SNX30: variants seen among roughly 807,000 people sequenced by gnomAD.
SNX30 encodes the protein sorting nexin-30.
A neutral mutation model predicts 46.4 loss-of-function variants in SNX30; 24 were observed. That is an observed-to-expected ratio of 0.52 (90% CI 0.37 to 0.73). The LOEUF is 0.73. Ranked by LOEUF, SNX30 falls within the 30% of genes least tolerant of loss-of-function variation. The pLI is 0.00. For missense variants in SNX30, 533 were observed against 555.7 expected (o/e 0.96, Z 0.41); for synonymous variants, 189 against 211.5 (o/e 0.89, Z 0.92).
intron 3 of SNX30, among the ~76,000 whole-genome samples, chr9:112,819,135 A>G (rs966772548): frequency 2.0e-5 from 3 of 152,218 alleles, no homozygotes; most frequent in African/African-American, 7.2e-5. Flanking sequence ...AGAATTCTCA[A>G]GCCTCACATC....
At chr9:112,786,189 C>T (rs1341209050) in intron 1 of SNX30, among the ~76,000 whole-genome samples, 1 of 150,986 alleles carries the variant, frequency 6.6e-6, no homozygotes, top group Non-Finnish European at 1.5e-5. Flanking sequence ...ACCATCTTGG[C>T]TCACCACAGC....
At chr9:112,840,742 G>A (rs574168361) in intron 6 of SNX30, among the ~76,000 whole-genome samples, 11 of 151,154 alleles carry the variant, frequency 7.3e-5, no homozygotes, top group African/African-American at 2.7e-4. Context: ...GCCTCCCAAA[G>A]TGCTGGGATT....
chr9:112,790,285 T>C (rs1839998200), intron 1 of SNX30, among the ~76,000 whole-genome samples: 1 of 152,222 alleles, frequency 6.6e-6, no homozygotes, highest in South Asian at 2.1e-4. Context: ...TGTTAAAAAT[T>C]ATACAGACAT....
At position 112,805,117 on chromosome 9, in the gene SNX30, G is replaced by A. The variant is rs536503808; in HGVS notation, c.348+150G>A. ...AGTGTGGCTTCTTGAGAGAATAGAT[G>A]TAATTCAGATGAAAAGGATTATATA... On this transcript the variant is annotated intron_variant, in intron 2 of 8. Transcript: ENST00000374232. The A allele has an allele frequency of 2.6e-5, 12 of 467,844 alleles. No individual in the cohort carries two copies. The South Asian group carries it at 8.0e-4, about 31-fold the overall frequency. The allele number at this position is 467,844 out of a possible 1,614,324, so 29.0% of individuals were successfully genotyped here.
intron 3 of SNX30, among the ~76,000 whole-genome samples, chr9:112,829,724 G>A (rs1229735939): frequency 6.6e-6 from 1 of 151,902 alleles, no homozygotes; most frequent in African/African-American, 2.4e-5. Context: ...ATGTATAAAT[G>A]TTCTGATTTC....
chr9:112,885,442 A>ATATATATATT (rs912531434), downstream of SNX30: 2 of 144,640 alleles, frequency 1.4e-5, no homozygotes, highest in Non-Finnish European at 3.0e-5. Flanking sequence ...ATATATGTGT[A>ATATATATATT]TATATATATA....
intron 7 of SNX30, among the ~76,000 whole-genome samples, chr9:112,859,700 C>T (rs1365793563): frequency 6.6e-6 from 1 of 151,916 alleles, no homozygotes; most frequent in Non-Finnish European, 1.5e-5. Context: ...CAATCTCCGC[C>T]TCCCGGAGAC....
intron 7 of SNX30, among the ~76,000 whole-genome samples, chr9:112,862,376 G>A (rs1185676638): frequency 6.6e-6 from 1 of 152,218 alleles, no homozygotes; most frequent in Non-Finnish European, 1.5e-5. Context: ...GCAAGTGTGA[G>A]CAGTGGCCAG....
intron 1 of SNX30, among the ~76,000 whole-genome samples, chr9:112,752,977 A>G (rs577548834): frequency 7.9e-5 from 12 of 152,322 alleles, no homozygotes; most frequent in South Asian, 6.2e-4. Context: ...CCCCAGAGCA[A>G]GTGATCCAAG....
chr9:112,868,811 C>G lies in SNX30; in HGVS notation c.1282C>G (p.Pro428Ala), dbSNP rs760475390. Residue 428 changes from proline (P) to alanine (A), a missense_variant, in exon 9 of 9, where the codon CCA becomes GCA. Physicochemically the swap from Pro to Ala is conservative, Grantham distance 27. Coordinates refer to ENST00000374232, the MANE Select transcript of SNX30 (RefSeq NM_001012994.2). ...CCTCATGGCGTGGGAGTCGATTATT[C>G]CACTACTGCAGGAGAAACAAGAGGC... ...KCLMAWESII[P>A]LLQEKQEAK The G allele has an allele frequency of 1.9e-6, 3 of 1,613,626 alleles. No individual in the cohort carries two copies. In the Admixed American group the frequency reaches 5.0e-5, roughly 27 times the overall value.
downstream of SNX30, among the ~76,000 whole-genome samples, chr9:112,884,637 T>C (rs147778510): frequency 6.6e-6 from 1 of 152,366 alleles, no homozygotes; most frequent in Non-Finnish European, 1.5e-5. Flanking sequence ...ATTTAAAATC[T>C]GGCTTTGTTT....
chr9:112,782,024 T>C (rs1839854246), intron 1 of SNX30, among the ~76,000 whole-genome samples: 2 of 152,176 alleles, frequency 1.3e-5, no homozygotes, highest in East Asian at 3.8e-4. Context: ...ATGTGAAAAT[T>C]AGTGAAATTA....
rs1839268409 is a variant in SNX30, at chr9:112,751,115, G to T, written c.114G>T (p.Thr38=). The T allele has an allele frequency of 1.3e-6, 2 of 1,519,050 alleles. No individual in the cohort carries two copies. The highest frequency in any genetic ancestry group is 1.2e-5 in the South Asian group (1 of 80,692). 94.1% of individuals were successfully genotyped at this position (1,519,050 alleles called of 1,614,324 possible). A position where few individuals can be genotyped will look rare whatever the true frequency, so the allele number is the denominator to read the frequency against. ...SSEEAVGGDS[T]PSPDLLMARS... is the part of the protein sequence containing the mutation. ...AGGAGGCCGTGGGTGGTGACAGCAC[G>T]CCCAGCCCGGACCTGCTGATGGCCC... The change falls in exon 1 of 9, where the codon ACG becomes ACT. Residue 38 remains threonine (T), a synonymous_variant. Transcript: ENST00000374232.
In SNX30 at chr9:112,864,327, GAAC is replaced by G; in HGVS notation, c.1188_1190del (p.Asn396del). 1.2e-6 allele frequency: 2 copies of G among 1,614,204 alleles called. No individual in the cohort carries two copies. The highest frequency in any genetic ancestry group is 1.7e-6 in the Non-Finnish European group (2 of 1,180,034). On this transcript the variant is annotated inframe_deletion, in exon 8 of 9. Coordinates refer to ENST00000374232, the MANE Select transcript of SNX30 (RefSeq NM_001012994.2). The stretch of plus-strand genomic sequence containing the variant: ...TGAAAGCTGACATGGAGAGGTGGCA[GAAC>G]AACAAGAGGCAGGACTTCCGGCAGC...
At chr9:112,771,370 T>C (rs1839646349) in intron 1 of SNX30, among the ~76,000 whole-genome samples, 1 of 152,228 alleles carries the variant, frequency 6.6e-6, no homozygotes, top group Non-Finnish European at 1.5e-5. Flanking sequence ...TAAACTATGG[T>C]AGTTTTTGAA....
intron 3 of SNX30, among the ~76,000 whole-genome samples, chr9:112,824,169 T>C (rs1840546104): frequency 1.3e-5 from 2 of 152,240 alleles, no homozygotes; most frequent in African/African-American, 2.4e-5. Context: ...CCATTGACAG[T>C]CTACAACAAA....
At position 112,812,937 on chromosome 9, in the gene SNX30, A is replaced by G. The variant is rs554024695; in HGVS notation, c.349-4768A>G. On this transcript the variant is annotated intron_variant, in intron 2 of 8. Transcript: ENST00000374232. ...TGAGGTGGGTGGATCACTTGAGGTCAGGAATTTGAGACCAGCCTGGTCAAC... is the reference window on the plus strand; with the variant it reads ...TGAGGTGGGTGGATCACTTGAGGTCGGGAATTTGAGACCAGCCTGGTCAAC... Among the ~76,000 whole-genome samples the G allele has an allele frequency of 7.9e-5, 12 of 152,296 alleles. No homozygotes were observed. In the East Asian group the frequency reaches 1.7e-3, roughly 22 times the overall value.
intron 7 of SNX30, among the ~76,000 whole-genome samples, chr9:112,859,726 C>T (rs752149840): frequency 6.6e-6 from 1 of 151,434 alleles, no homozygotes; most frequent in Non-Finnish European, 1.5e-5. Context: ...AGGCTGGTCT[C>T]GAACTCCTGA....
chr9:112,764,393 T>A (rs1372591214), intron 1 of SNX30, among the ~76,000 whole-genome samples: 1 of 152,166 alleles, frequency 6.6e-6, no homozygotes, highest in Non-Finnish European at 1.5e-5. Context: ...GTTGCTGTTT[T>A]TTAAAGAGAT....
Sources: allele counts gnomAD v4.1 joint callset (sites outside exome capture counted in the v4.1 genomes callset), GRCh38; gene constraint gnomAD v4.1.1; transcripts MANE v1.5; gene names NCBI Gene and HGNC (gene_info 2026-07-23, HGNC 2026-07-21).